The following PRELID2 variants were observed in gnomAD, a reference collection of about 807,000 sequenced individuals.
The protein encoded by PRELID2 is PRELI domain-containing protein 2.
A neutral mutation model predicts 28.4 loss-of-function variants in PRELID2; 25 were observed. That is an observed-to-expected ratio of 0.88 (90% CI 0.64 to 1.23). The LOEUF (loss-of-function observed/expected upper bound fraction) is 1.23, where lower values mean the gene tolerates loss of function less well. Ranked by LOEUF, PRELID2 falls within the 50% of genes most tolerant of loss-of-function variation. The pLI is 0.00. For missense variants in PRELID2, 201 were observed against 214.4 expected (o/e 0.94, Z 0.39); for synonymous variants, 76 against 71.6 (o/e 1.06, Z -0.31).
intron 1 of PRELID2, among the ~76,000 whole-genome samples, chr5:145,502,601 T>G (rs1193458786): frequency 1.3e-5 from 2 of 152,170 alleles, no homozygotes; most frequent in African/African-American, 4.8e-5. Context: ...TTTGTATACA[T>G]GCATTTTCTT....
chr5:145,728,923 C>A (rs1756254069), intron 1 of PRELID2: 6 of 847,962 alleles, frequency 7.1e-6, no homozygotes, highest in Admixed American at 1.7e-5. Flanking sequence ...AAAATACAAG[C>A]TATCCCAGAG....
At chr5:145,777,985 G>A (rs1377275743) in intron 5 of PRELID2, among the ~76,000 whole-genome samples, 1 of 152,204 alleles carries the variant, frequency 6.6e-6, no homozygotes, top group Admixed American at 6.5e-5. Context: ...GGACGGAAGG[G>A]AGCAGGTCCT....
intron 1 of PRELID2, among the ~76,000 whole-genome samples, chr5:145,606,487 A>G (rs898314763): frequency 2.0e-5 from 3 of 152,138 alleles, no homozygotes; most frequent in Non-Finnish European, 4.4e-5. Flanking sequence ...AGGGATGTTG[A>G]ATTTTAAACA....
At chr5:145,574,798 C>A (rs1402612617) in intron 1 of PRELID2, among the ~76,000 whole-genome samples, 3 of 152,124 alleles carry the variant, frequency 2.0e-5, no homozygotes, top group Admixed American at 6.6e-5. Context: ...CTCCTGTATA[C>A]TATAAATCAT....
chr5:145,387,523 A>T, the PRELID2 span, among the ~76,000 whole-genome samples: 1 of 152,326 alleles, frequency 6.6e-6, no homozygotes, highest in Middle Eastern at 3.4e-3. Flanking sequence ...TAAAGAATTT[A>T]TACTTACCAT....
chr5:145,628,973 T>C (rs773256282), intron 1 of PRELID2, among the ~76,000 whole-genome samples: 1 of 152,090 alleles, frequency 6.6e-6, no homozygotes, highest in Non-Finnish European at 1.5e-5. Context: ...ATTCAGAAAA[T>C]GGGCAAGGAA....
intron 1 of PRELID2, among the ~76,000 whole-genome samples, chr5:145,740,899 TAA>T (rs1268839645): frequency 2.0e-4 from 19 of 94,712 alleles, no homozygotes; most frequent in African/African-American, 5.8e-4. Flanking sequence ...TATTTATCGA[TAA>T]ATATATATGT....
chr5:145,343,499 C>A, the PRELID2 span, among the ~76,000 whole-genome samples: 167 of 151,014 alleles, frequency 1.1e-3, no homozygotes, highest in African/African-American at 3.7e-3. Context: ...ATGTCAAAAC[C>A]TGTGAGATAC....
At chr5:145,503,464 T>C (rs941988053) in intron 1 of PRELID2, among the ~76,000 whole-genome samples, 2 of 152,130 alleles carry the variant, frequency 1.3e-5, no homozygotes, top group African/African-American at 2.4e-5. Context: ...TAATACGAGC[T>C]CACATTTATT....
At chr5:145,561,049 G>C (rs573205366) in intron 1 of PRELID2, among the ~76,000 whole-genome samples, 2 of 151,578 alleles carry the variant, frequency 1.3e-5, no homozygotes, top group Non-Finnish European at 2.9e-5. Context: ...AAGACACTAG[G>C]CCCTGGGTAA....
At chr5:145,781,698 C>G (rs1425795573) in intron 5 of PRELID2, among the ~76,000 whole-genome samples, 7 of 143,258 alleles carry the variant, frequency 4.9e-5, no homozygotes, top group Admixed American at 3.5e-4. Context: ...ACTATATATA[C>G]TATATATATA....
chr5:145,335,764 G>C, the PRELID2 span, among the ~76,000 whole-genome samples: 18 of 152,216 alleles, frequency 1.2e-4, no homozygotes, highest in South Asian at 2.1e-4. Context: ...AAAGAACCTT[G>C]CATAGTCCTT....
intron 1 of PRELID2, among the ~76,000 whole-genome samples, chr5:145,696,508 C>T (rs760741064): frequency 2.6e-5 from 4 of 152,196 alleles, no homozygotes; most frequent in Admixed American, 6.5e-5. Flanking sequence ...ACTCTGTCAC[C>T]GAGGCTGTAG....
chr5:145,599,198 C>G (rs559394340), intron 1 of PRELID2, among the ~76,000 whole-genome samples: 2 of 152,294 alleles, frequency 1.3e-5, no homozygotes, highest in East Asian at 3.9e-4. Flanking sequence ...CATATTTCTG[C>G]CCATGACAGT....
chr5:145,598,957 CAT>C (rs1208695866), intron 1 of PRELID2, among the ~76,000 whole-genome samples: 2 of 152,074 alleles, frequency 1.3e-5, no homozygotes, highest in Non-Finnish European at 2.9e-5. Flanking sequence ...ACATACCAAC[CAT>C]ATATTTCAAA....
chr5:145,296,688 G>A, the PRELID2 span, among the ~76,000 whole-genome samples: 1 of 152,086 alleles, frequency 6.6e-6, no homozygotes, highest in African/African-American at 2.4e-5. Flanking sequence ...ATGATTTATA[G>A]TCCTTTGGGT....
intron 1 of PRELID2, among the ~76,000 whole-genome samples, chr5:145,742,304 A>T (rs1030700283): frequency 1.7e-5 from 2 of 119,822 alleles, no homozygotes; most frequent in African/African-American, 2.9e-5. Context: ...ATAAATATTT[A>T]TATATATAAA....
intron 4 of PRELID2, among the ~76,000 whole-genome samples, chr5:145,799,400 T>C (rs567020700): frequency 2.3e-4 from 35 of 152,238 alleles, no homozygotes; most frequent in Non-Finnish European, 4.4e-4. Context: ...TTCAACACAC[T>C]GACTGCATGG....
At chr5:145,361,645 C>T in the PRELID2 span, among the ~76,000 whole-genome samples, 22 of 152,218 alleles carry the variant, frequency 1.4e-4, no homozygotes, top group South Asian at 3.9e-3. Flanking sequence ...TTGGAGTCTC[C>T]CAACTCCTAC....
Sources: gnomAD v4.1 joint callset for allele counts (sites outside exome capture counted in the v4.1 genomes callset) on GRCh38, gnomAD v4.1.1 for gene constraint, MANE v1.5 for transcripts, NCBI Gene and HGNC (gene_info 2026-07-23, HGNC 2026-07-21) for gene names.